The following STX19 variants were observed in gnomAD, a reference collection of about 807,000 sequenced individuals.
STX19 encodes the protein syntaxin 19.
A neutral mutation model predicts 24.3 loss-of-function variants in STX19; 26 were observed. That is an observed-to-expected ratio of 1.07 (90% CI 0.78 to 1.48). The LOEUF is 1.48. Among genes scored for constraint, STX19 ranks in the 40% most tolerant of loss-of-function variants. STX19 has a pLI of 0.00. For synonymous variants in STX19, 116 were observed against 106.9 expected (o/e 1.09, Z -0.52); for missense variants, 367 against 331.9 (o/e 1.11, Z -0.82).
intron 1 of STX19, among the ~76,000 whole-genome samples, chr3:94,027,148 A>G (rs1445645686): frequency 6.6e-6 from 1 of 152,092 alleles, no homozygotes; most frequent in East Asian, 1.9e-4. Flanking sequence ...ACCAGTTTTT[A>G]CCCAAGAGAA....
chr3:94,019,882 C>A (rs1383969220), intron 1 of STX19, among the ~76,000 whole-genome samples: 2 of 152,162 alleles, frequency 1.3e-5, no homozygotes, highest in African/African-American at 2.4e-5. Context: ...AGTGTTCTTT[C>A]CCATGTAGTA....
intron 1 of STX19, among the ~76,000 whole-genome samples, chr3:94,022,382 TC>T (rs1331692197): frequency 6.6e-6 from 1 of 152,186 alleles, no homozygotes; most frequent in Non-Finnish European, 1.5e-5. Flanking sequence ...CGCCTCAGCC[TC>T]CCAAAGTGCT....
intron 1 of STX19, among the ~76,000 whole-genome samples, chr3:94,027,136 T>C (rs1188368384): frequency 6.6e-6 from 1 of 152,096 alleles, no homozygotes; most frequent in African/African-American, 2.4e-5. Context: ...TCAAGAAATA[T>C]GACCAGTTTT....
chr3:94,023,425 G>A (rs920251508), intron 1 of STX19, among the ~76,000 whole-genome samples: 1 of 151,798 alleles, frequency 6.6e-6, no homozygotes, highest in Non-Finnish European at 1.5e-5. Context: ...AGGTCTTGAT[G>A]CATTTATTTG....
Position 94,014,495 on chromosome 3 carries a change from CTT to C in STX19, c.773_774del (p.Lys258ArgfsTer4), listed in dbSNP as rs776131303. On this transcript the variant is annotated frameshift_variant, in exon 2 of 2. Transcript: ENST00000315099. LOFTEE classifies it high-confidence loss of function. ...NNIEMTVNST[K>X]EYVNNTKEKF... ...TTCTCTTTAGTATTGTTAACATACT[CTT>C]TTGTACTATTCACTGTCATTTCAAT... The C allele has an allele frequency of 6.2e-7, 1 of 1,611,328 alleles. No individual in the cohort carries two copies. The highest frequency in any genetic ancestry group is 1.1e-5 in the South Asian group (1 of 90,366).
rs773685846 is a variant in STX19, at chr3:94,014,814, A to G, written c.456T>C (p.Asn152=). ...RHFQQIMFIY[N]DTIAAKQEKC... Reference sequence around the variant, plus strand: ...TCTCTTGCTTTGCTGCTATTGTGTCATTGTATATAAACATGATTTGCTGAA... The same window carrying G: ...TCTCTTGCTTTGCTGCTATTGTGTCGTTGTATATAAACATGATTTGCTGAA... The change falls in exon 2 of 2, where the codon AAT becomes AAC. Residue 152 remains asparagine, a synonymous_variant. Coordinates refer to ENST00000315099, the MANE Select transcript of STX19 (RefSeq NM_001001850.3). 6 of 1,613,956 alleles carry G rather than the reference A, an allele frequency of 3.7e-6. No individual in the cohort carries two copies. Among genetic ancestry groups the G allele is most frequent in the Admixed American group, 3.3e-5 (2 of 60,000 alleles).
chr3:94,019,962 T>C (rs768054554), intron 1 of STX19, among the ~76,000 whole-genome samples: 12 of 152,234 alleles, frequency 7.9e-5, no homozygotes, highest in Non-Finnish European at 1.2e-4. Flanking sequence ...TTTGTCACCC[T>C]ATTTTGAACT....
chr3:94,015,202 A>T lies in STX19; in HGVS notation c.68T>A (p.Val23Glu). The T allele has an allele frequency of 6.2e-7, 1 of 1,612,554 alleles. No individual in the cohort carries two copies. The highest frequency in any genetic ancestry group is 8.5e-7 in the Non-Finnish European group (1 of 1,179,592). ...TTGTTCCTCTGTTTCTGTAGTTGAT[A>T]CATGACTGTCTCTAGAGAGTTCAAT... ...KEIELSRDSH[V>E]STTETEEQGV... Residue 23 changes from valine (V) to glutamate (E), a missense_variant, in exon 2 of 2, where the codon GTA becomes GAA. By Grantham distance (121) the Val-to-Glu change is moderately radical (BLOSUM62 -2). Coordinates refer to ENST00000315099, the MANE Select transcript of STX19 (RefSeq NM_001001850.3).
In STX19 at chr3:94,028,554, G is replaced by T. The variant is rs868855260; in HGVS notation, c.-201C>A. 1 of 152,226 alleles carries T rather than the reference G, an allele frequency of 6.6e-6. No homozygotes were observed. 9.4% of individuals were successfully genotyped at this position (152,226 alleles called of 1,614,324 possible). On this transcript the variant is annotated 5_prime_UTR_variant, in exon 1 of 2. Transcript: ENST00000315099. Reference sequence around the variant, plus strand: ...AGCCAAATAATGAAGTCAAATAAGAGATAAAGTTGTACGTTTGCTGTTAAT... The same window carrying T: ...AGCCAAATAATGAAGTCAAATAAGATATAAAGTTGTACGTTTGCTGTTAAT...
At chr3:94,018,436 T>TA (rs1372255804) in intron 1 of STX19, among the ~76,000 whole-genome samples, 2 of 152,198 alleles carry the variant, frequency 1.3e-5, no homozygotes, top group African/African-American at 4.8e-5. Context: ...TTTTTTCTCT[T>TA]ACCTTTTTGG....
At chr3:94,023,337 T>C (rs2076488459) in intron 1 of STX19, among the ~76,000 whole-genome samples, 1 of 152,130 alleles carries the variant, frequency 6.6e-6, no homozygotes, top group Non-Finnish European at 1.5e-5. Context: ...TCTGTTTTTA[T>C]ATTTCCTTTC....
At chr3:94,027,262 A>G (rs1162656940) in intron 1 of STX19, among the ~76,000 whole-genome samples, 1 of 152,114 alleles carries the variant, frequency 6.6e-6, no homozygotes, top group Non-Finnish European at 1.5e-5. Context: ...CTCTTTGGCT[A>G]CTAAAGTGAG....
At chr3:94,019,681 G>C (rs576837884) in intron 1 of STX19, among the ~76,000 whole-genome samples, 6 of 150,186 alleles carry the variant, frequency 4.0e-5, no homozygotes, top group African/African-American at 1.5e-4. Flanking sequence ...TCCTCCTTTG[G>C]CATTATCTCT....
intron 1 of STX19, among the ~76,000 whole-genome samples, chr3:94,022,815 T>A (rs557705169): frequency 6.6e-6 from 1 of 152,186 alleles, no homozygotes; most frequent in South Asian, 2.1e-4. Context: ...ACCACATAGA[T>A]CAAGAAACAT....
In STX19 at chr3:94,014,753, C is replaced by A. The variant is rs2076292422; in HGVS notation, c.517G>T (p.Ala173Ser). The A allele has an allele frequency of 6.8e-6, 11 of 1,612,996 alleles. No individual in the cohort carries two copies. Among genetic ancestry groups the A allele is most frequent in the South Asian group, 1.1e-5 (1 of 90,798 alleles). ...TCTTCTTCAGACATCTCTTTTCCAG[C>A]AACTTCAAGCTGACGTAAAATAAAT... ...KTFILRQLEV[A>S]GKEMSEEDVN... The change falls in exon 2 of 2, where the codon GCT (alanine) becomes TCT (serine). Residue 173 changes from alanine to serine, a missense_variant. Coordinates refer to ENST00000315099, the MANE Select transcript of STX19 (RefSeq NM_001001850.3).
intron 1 of STX19, among the ~76,000 whole-genome samples, chr3:94,017,736 G>T (rs546064206): frequency 6.6e-6 from 1 of 152,296 alleles, no homozygotes; most frequent in East Asian, 1.9e-4. Flanking sequence ...TATTTGAGAT[G>T]TGAGACTGAA....
chr3:94,019,056 G>A lies in STX19; in HGVS notation c.-13-3774C>T, dbSNP rs141486477. 5.3e-5 allele frequency among the ~76,000 whole-genome samples: 8 copies of A among 151,772 alleles called. No individual in the cohort carries two copies. The East Asian group carries it at 9.7e-4, about 18-fold the overall frequency. On this transcript the variant is annotated intron_variant, in intron 1 of 1. Coordinates refer to ENST00000315099, the MANE Select transcript of STX19 (RefSeq NM_001001850.3). ...GCTGGGATTACAGCTGTGAGCCACC[G>A]CGCCTGGCTGGAAGTCATTCTTGAC...
At chr3:94,020,420 T>G (rs1289532346) in intron 1 of STX19, among the ~76,000 whole-genome samples, 1 of 152,184 alleles carries the variant, frequency 6.6e-6, no homozygotes, top group African/African-American at 2.4e-5. Context: ...CAGTATAGTT[T>G]GAAGGACTCA....
At chr3:94,017,943 AAAGGACTTGTGGGCCAAAGG>A (rs1315187669) in intron 1 of STX19, among the ~76,000 whole-genome samples, 1 of 152,234 alleles carries the variant, frequency 6.6e-6, no homozygotes, top group East Asian at 1.9e-4. Context: ...ACCACATCAT[AAAGGACTTGTGGGCCAAAGG>A]AAGGAGTTTA....
Sources: allele counts gnomAD v4.1 joint callset (sites outside exome capture counted in the v4.1 genomes callset), GRCh38; gene constraint gnomAD v4.1.1; transcripts MANE v1.5; gene names NCBI Gene and HGNC (gene_info 2026-07-23, HGNC 2026-07-21).